The following TC2N variants were observed in gnomAD, a reference collection of about 807,000 sequenced individuals.
TC2N encodes tandem C2 domains, nuclear.
TC2N carries 51 observed loss-of-function variants against 61.9 expected under a neutral mutation model. The observed-to-expected ratio is 0.82, with a 90% CI of 0.66 to 1.04. TC2N has a LOEUF of 1.04. TC2N is among the 50% of genes least tolerant of loss of function. The pLI is 0.00. For missense variants in TC2N, 556 were observed against 566.7 expected (o/e 0.98, Z 0.19); for synonymous variants, 204 against 192.6 (o/e 1.06, Z -0.49).
intron 1 of TC2N, among the ~76,000 whole-genome samples, chr14:91,820,491 A>C (rs958913864): frequency 6.6e-6 from 1 of 151,892 alleles, no homozygotes; most frequent in East Asian, 1.9e-4. Context: ...GAAAAAATCT[A>C]TAGTTAACAT....
At chr14:91,811,749 T>C (rs750239126) in intron 3 of TC2N, among the ~76,000 whole-genome samples, 3 of 152,118 alleles carry the variant, frequency 2.0e-5, no homozygotes, top group African/African-American at 4.8e-5. Context: ...TATCCCTCAG[T>C]ATATGTGGGG....
chr14:91,785,305 T>A lies in TC2N; in HGVS notation c.1219A>T (p.Thr407Ser), dbSNP rs1399872601. 1 of 1,613,730 alleles carries A rather than the reference T, an allele frequency of 6.2e-7. No homozygotes were observed. Among genetic ancestry groups the A allele is most frequent in the Non-Finnish European group, 8.5e-7 (1 of 1,179,868 alleles). Reference sequence around the variant, plus strand: ...CCATTGGAGGCCTTCAGTAAGCGTGTCTTTTTCTTATAAATCAACTCTCCC... The same window carrying A: ...CCATTGGAGGCCTTCAGTAAGCGTGACTTTTTCTTATAAATCAACTCTCCC... Reference protein sequence around the residue: ...SSGELIYKKKTRLLKASNGRV... With the variant: ...SSGELIYKKKSRLLKASNGRV... Residue 407 changes from threonine to serine, a missense_variant, in exon 11 of 12, where the codon ACA (threonine) becomes TCA (serine). Physicochemically the swap from Thr to Ser is moderately conservative, Grantham distance 58. Transcript: ENST00000435962.
chr14:91,811,983 C>G (rs753520837), intron 3 of TC2N: 12 of 165,632 alleles, frequency 7.2e-5, no homozygotes, highest in Non-Finnish European at 1.0e-4. Flanking sequence ...ATGTTCAGTA[C>G]AGATGCAATC....
intron 1 of TC2N, among the ~76,000 whole-genome samples, chr14:91,858,294 G>C (rs1352526540): frequency 1.3e-5 from 2 of 151,422 alleles, no homozygotes; most frequent in Non-Finnish European, 2.9e-5. Flanking sequence ...TCCCAGCCAA[G>C]AATATTTGTT....
intron 1 of TC2N, among the ~76,000 whole-genome samples, chr14:91,838,467 C>T (rs1888107339): frequency 1.3e-5 from 2 of 152,312 alleles, no homozygotes; most frequent in African/African-American, 4.8e-5. Context: ...CTAAGGAGAG[C>T]ACATCCTTGG....
intron 1 of TC2N, among the ~76,000 whole-genome samples, chr14:91,817,658 C>G (rs1259390746): frequency 6.6e-6 from 1 of 152,070 alleles, no homozygotes; most frequent in Non-Finnish European, 1.5e-5. Context: ...AACCACATCT[C>G]TGACCCCAAT....
intron 10 of TC2N, among the ~76,000 whole-genome samples, chr14:91,785,768 C>T (rs551665867): frequency 1.3e-5 from 2 of 151,994 alleles, no homozygotes; most frequent in African/African-American, 4.8e-5. Context: ...AGTATATGCC[C>T]ACTAGATAAA....
At chr14:91,831,826 C>T (rs1264295353) in intron 1 of TC2N, among the ~76,000 whole-genome samples, 1 of 152,052 alleles carries the variant, frequency 6.6e-6, no homozygotes, top group Non-Finnish European at 1.5e-5. Context: ...TTCCCATATA[C>T]CCCCCTGCTT....
intron 1 of TC2N, chr14:91,836,625 C>CT (rs1888029162): frequency 7.5e-6 from 1 of 133,814 alleles, no homozygotes; most frequent in African/African-American, 2.7e-5. Flanking sequence ...AGGGGCGAGG[C>CT]AGGGCGGGGC....
At chr14:91,854,449 TA>T (rs1888440289) in intron 1 of TC2N, among the ~76,000 whole-genome samples, 1 of 38,612 alleles carries the variant, frequency 2.6e-5, no homozygotes, top group African/African-American at 1.0e-4. Flanking sequence ...GAGGAGGAGA[TA>T]GGAGAGGGGG....
At chr14:91,790,007 T>G (rs1213436929) in intron 9 of TC2N, among the ~76,000 whole-genome samples, 2 of 152,154 alleles carry the variant, frequency 1.3e-5, no homozygotes, top group African/African-American at 4.8e-5. Flanking sequence ...GGGTTTGGAA[T>G]CAGACTGCCT....
At chr14:91,821,239 T>C (rs1887238831) in intron 1 of TC2N, among the ~76,000 whole-genome samples, 1 of 151,914 alleles carries the variant, frequency 6.6e-6, no homozygotes, top group Non-Finnish European at 1.5e-5. Flanking sequence ...AAACTAGTCA[T>C]CAGGACAATA....
At chr14:91,846,244 A>G (rs567914777) in intron 1 of TC2N, among the ~76,000 whole-genome samples, 1 of 152,280 alleles carries the variant, frequency 6.6e-6, no homozygotes, top group Non-Finnish European at 1.5e-5. Context: ...TTACAGTAAC[A>G]TCTTATTGGG....
intron 1 of TC2N, among the ~76,000 whole-genome samples, chr14:91,823,643 C>T (rs1887362326): frequency 6.6e-6 from 1 of 151,824 alleles, no homozygotes; most frequent in African/African-American, 2.4e-5. Flanking sequence ...AGCTTCACAA[C>T]TTTTTCTAAT....
chr14:91,840,161 T>TA (rs1308680513), intron 1 of TC2N, among the ~76,000 whole-genome samples: 2 of 152,190 alleles, frequency 1.3e-5, no homozygotes, highest in Non-Finnish European at 2.9e-5. Flanking sequence ...ATTGGCTTCA[T>TA]AGAACAAAGC....
At chr14:91,828,424 T>C (rs1444964111) in intron 1 of TC2N, among the ~76,000 whole-genome samples, 1 of 152,020 alleles carries the variant, frequency 6.6e-6, no homozygotes, top group Non-Finnish European at 1.5e-5. Flanking sequence ...AAAGACAATA[T>C]TGAAGAACAT....
intron 1 of TC2N, among the ~76,000 whole-genome samples, chr14:91,822,266 A>C (rs1303805820): frequency 6.6e-6 from 1 of 152,244 alleles, no homozygotes; most frequent in Admixed American, 6.5e-5. Flanking sequence ...TCAACAGATT[A>C]ATCCATTTAG....
chr14:91,845,859 C>A (rs981736753), intron 1 of TC2N, among the ~76,000 whole-genome samples: 4 of 152,232 alleles, frequency 2.6e-5, no homozygotes, highest in African/African-American at 9.7e-5. Context: ...GTATATCTAT[C>A]CAGCCTCTGG....
Position 91,800,329 on chromosome 14 carries a change from T to C in TC2N, c.513A>G (p.Leu171=). The C allele has an allele frequency of 6.2e-7, 1 of 1,605,588 alleles. No individual in the cohort carries two copies. The highest frequency in any genetic ancestry group is 1.7e-5 in the Admixed American group (1 of 59,154). The part of the protein sequence containing the change: ...RTNKLPGSPG[L]SKSMFDLTNS... Reference sequence around the variant, plus strand: ...TTGTAAGATCAAACATAGATTTGCTTAGCCCAGGGGAACCGGGAAGTTTGT... The same window carrying C: ...TTGTAAGATCAAACATAGATTTGCTCAGCCCAGGGGAACCGGGAAGTTTGT... Residue 171 remains leucine, a synonymous_variant, in exon 5 of 12, where the codon CTA becomes CTG. Transcript: ENST00000435962.
Sources: gnomAD v4.1 joint callset for allele counts (sites outside exome capture counted in the v4.1 genomes callset) on GRCh38, gnomAD v4.1.1 for gene constraint, MANE v1.5 for transcripts, NCBI Gene and HGNC (gene_info 2026-07-23, HGNC 2026-07-21) for gene names.